RFX2: variants seen among roughly 807,000 people sequenced by gnomAD.
RFX2 encodes the protein DNA-binding protein RFX2.
A neutral mutation model predicts 87.8 loss-of-function variants in RFX2; 20 were observed. That is an observed-to-expected ratio of 0.23 (90% CI 0.16 to 0.33). RFX2 has a LOEUF of 0.33. RFX2 is among the 10% of genes least tolerant of loss of function. The probability of loss-of-function intolerance (pLI) is 1.00; values close to 1 mark genes in which losing one functional copy is unlikely to be tolerated. For missense variants in RFX2, 767 were observed against 1,012.3 expected, an observed-to-expected ratio of 0.76 and a Z score of 3.29; for synonymous variants, 397 against 431.3, an observed-to-expected ratio of 0.92 and a Z score of 0.98.
At chr19:6,006,729 C>T (rs939783830) in intron 12 of RFX2, among the ~76,000 whole-genome samples, 6 of 151,120 alleles carry the variant, frequency 4.0e-5, no homozygotes, top group East Asian at 2.0e-4. Context: ...GGATTACAGA[C>T]GTGAGCAACC....
Position 6,012,772 on chromosome 19 carries a change from A to T in RFX2, c.899+214T>A, listed in dbSNP as rs1434763466. Among the ~76,000 whole-genome samples, 1 of 152,194 alleles carries T rather than the reference A, an allele frequency of 6.6e-6. No individual in the cohort carries two copies. Among genetic ancestry groups the T allele is most frequent in the Non-Finnish European group, 1.5e-5 (1 of 68,024 alleles). ...TTAAAAACAGTTTTAAACGGTTTTA[A>T]AAAAAGTCTGAAAAGTTAGCTGGAG... is the stretch of plus-strand genomic sequence containing the variant. On this transcript the variant is annotated intron_variant, in intron 8 of 17. Coordinates refer to ENST00000303657, the MANE Select transcript of RFX2 (RefSeq NM_000635.4). The surrounding 1 kb of genome is among the most constrained non-coding windows in gnomAD (Gnocchi z 4.6).
intron 1 of RFX2, among the ~76,000 whole-genome samples, chr19:6,059,105 G>A (rs967485486): frequency 9.2e-5 from 14 of 151,796 alleles, no homozygotes; most frequent in African/African-American, 2.7e-4. Context: ...TTAGCCAACC[G>A]AGTAGCTGGA....
At chr19:5,996,003 A>G (rs1599831567) in intron 16 of RFX2, among the ~76,000 whole-genome samples, 1 of 152,064 alleles carries the variant, frequency 6.6e-6, no homozygotes, top group African/African-American at 2.4e-5. Context: ...CAGCAGGAAA[A>G]CCACTCCTTG....
At chr19:6,106,520 C>CTT (rs2088219735) in intron 1 of RFX2, among the ~76,000 whole-genome samples, 2 of 152,168 alleles carry the variant, frequency 1.3e-5, no homozygotes, top group Non-Finnish European at 2.9e-5. Context: ...CATGAAGTTA[C>CTT]TTATGGTCCT....
intron 1 of RFX2, among the ~76,000 whole-genome samples, chr19:6,048,598 G>C (rs2087227984): frequency 6.6e-6 from 1 of 152,068 alleles, no homozygotes; most frequent in African/African-American, 2.4e-5. Flanking sequence ...GGGGTGGTGA[G>C]GACTGAACCT....
At position 6,061,272 on chromosome 19, in the gene RFX2, G is replaced by T. The variant is rs1482874368; in HGVS notation, c.-8-13768C>A. 6.6e-6 allele frequency among the ~76,000 whole-genome samples: 1 copy of T among 152,180 alleles called. No individual in the cohort carries two copies. Among genetic ancestry groups the T allele is most frequent in the Admixed American group, 6.5e-5 (1 of 15,286 alleles). ...CCAGCCAATTTTCTTTCACATTGGG[G>T]TGATTCAAAAGATAACAATGTCTTC... On this transcript the variant is annotated intron_variant, in intron 1 of 17. Transcript: ENST00000303657. This position sits in a 1 kb window ranked among gnomAD's most constrained non-coding sequence, Gnocchi z 5.2.
chr19:6,077,484 G>A (rs1487277025), intron 1 of RFX2, among the ~76,000 whole-genome samples: 2 of 152,190 alleles, frequency 1.3e-5, no homozygotes, highest in East Asian at 1.9e-4. Flanking sequence ...CAAGACTTAC[G>A]AGATGTTCAA....
In RFX2 at chr19:6,026,063, G is replaced by C; in HGVS notation, c.597+100C>G. ...GCCTCCCAAAGTGCTGGGATTACAGGTGTGAGCCACCGCACCTGGTTGCCT... is the reference window on the plus strand; with the variant it reads ...GCCTCCCAAAGTGCTGGGATTACAGCTGTGAGCCACCGCACCTGGTTGCCT... On this transcript the variant is annotated intron_variant, in intron 6 of 17. Coordinates refer to ENST00000303657, the MANE Select transcript of RFX2 (RefSeq NM_000635.4). The surrounding 1 kb of genome is among the most constrained non-coding windows in gnomAD (Gnocchi z 4.5). 1 of 987,150 alleles carries C rather than the reference G, an allele frequency of 1.0e-6. No homozygotes were observed. Among genetic ancestry groups the C allele is most frequent in the Non-Finnish European group, 1.6e-6 (1 of 625,936 alleles). 61.1% of individuals were successfully genotyped at this position (987,150 alleles called of 1,614,324 possible). A position where few individuals can be genotyped will look rare whatever the true frequency, so the allele number is the denominator to read the frequency against.
rs1388756875 is a variant in RFX2 at position 6,001,769 on chromosome 19, A to G, written c.1859+46T>C. 6 of 1,512,918 alleles carry G rather than the reference A, an allele frequency of 4.0e-6. No individual in the cohort carries two copies. The highest frequency in any genetic ancestry group is 4.5e-6 in the Non-Finnish European group (5 of 1,115,530). 93.7% of individuals were successfully genotyped at this position (1,512,918 alleles called of 1,614,324 possible). Reference sequence around the variant, plus strand: ...CCTACCCTCTAGAAGTTTCTCTCAGAGCCCCCCACCCGCCAGAATTCTCTC... The same window carrying G: ...CCTACCCTCTAGAAGTTTCTCTCAGGGCCCCCCACCCGCCAGAATTCTCTC... On this transcript the variant is annotated intron_variant, in intron 15 of 17. Transcript: ENST00000303657. The surrounding 1 kb of genome is among the most constrained non-coding windows in gnomAD (Gnocchi z 5.6).
chr19:6,081,317 G>T (rs1014421638), intron 1 of RFX2, among the ~76,000 whole-genome samples: 1 of 152,226 alleles, frequency 6.6e-6, no homozygotes, highest in African/African-American at 2.4e-5. Context: ...CGAAAAGGAA[G>T]ACCCTGTCTC....
In RFX2 at chr19:6,047,541, C is replaced by G; in HGVS notation, c.-8-37G>C. The G allele has an allele frequency of 6.6e-7, 1 of 1,510,884 alleles. No homozygotes were observed. The highest frequency in any genetic ancestry group is 9.1e-7 in the Non-Finnish European group (1 of 1,103,102). 93.6% of individuals were successfully genotyped at this position (1,510,884 alleles called of 1,614,324 possible). A position where few individuals can be genotyped will look rare whatever the true frequency, so the allele number is the denominator to read the frequency against. On this transcript the variant is annotated intron_variant, in intron 1 of 17. Transcript: ENST00000303657. This position sits in a 1 kb window ranked among gnomAD's most constrained non-coding sequence, Gnocchi z 4.2. The stretch of plus-strand genomic sequence containing the variant: ...CGGAGAGAGATTGGGTGGGCAAGGG[C>G]TGCAAGCACTGAAATCCGAAGAGGC...
At chr19:6,019,544 G>GTGTGTGTGTA (rs386388444) in intron 6 of RFX2, among the ~76,000 whole-genome samples, 53 of 143,172 alleles carry the variant, frequency 3.7e-4, no homozygotes, top group African/African-American at 1.2e-3. Flanking sequence ...GTGTGTGTGT[G>GTGTGTGTGTA]TATATACTTT....
intron 1 of RFX2, among the ~76,000 whole-genome samples, chr19:6,079,518 A>G (rs1222229585): frequency 6.6e-6 from 1 of 152,244 alleles, no homozygotes; most frequent in Non-Finnish European, 1.5e-5. Flanking sequence ...CCAGAGGCTA[A>G]GAATGGGGCC....
At chr19:6,089,616 C>T (rs1042739557) in intron 1 of RFX2, among the ~76,000 whole-genome samples, 17 of 152,208 alleles carry the variant, frequency 1.1e-4, no homozygotes, top group Admixed American at 8.5e-4. Flanking sequence ...CCTTCCATCA[C>T]GTGAGGACAC....
intron 1 of RFX2, among the ~76,000 whole-genome samples, chr19:6,077,320 G>C (rs940757377): frequency 1.3e-5 from 2 of 152,178 alleles, no homozygotes; most frequent in South Asian, 4.1e-4. Context: ...ACAGGCAAGG[G>C]CACCAGGGTT....
chr19:6,064,459 C>T lies in RFX2; in HGVS notation c.-8-16955G>A, dbSNP rs2087482298. Among the ~76,000 whole-genome samples, 1 of 152,254 alleles carries T rather than the reference C, an allele frequency of 6.6e-6. No homozygotes were observed. The highest frequency in any genetic ancestry group is 6.5e-5 in the Admixed American group (1 of 15,294). ...ATGCGGAGGCCTCACCTCACTCACC[C>T]TCTCCTGTCCCAGCTTCAAAATCTT... On this transcript the variant is annotated intron_variant, in intron 1 of 17. Coordinates refer to ENST00000303657, the MANE Select transcript of RFX2 (RefSeq NM_000635.4). This position sits in a 1 kb window ranked among gnomAD's most constrained non-coding sequence, Gnocchi z 4.8.
At chr19:6,059,868 C>T (rs1234664138) in intron 1 of RFX2, among the ~76,000 whole-genome samples, 1 of 152,174 alleles carries the variant, frequency 6.6e-6, no homozygotes, top group Admixed American at 6.5e-5. Flanking sequence ...ACTCAGAAGA[C>T]ACGTCATTTT....
At chr19:6,052,517 GA>G (rs1233905073) in intron 1 of RFX2, among the ~76,000 whole-genome samples, 1 of 152,140 alleles carries the variant, frequency 6.6e-6, no homozygotes, top group Non-Finnish European at 1.5e-5. Flanking sequence ...TAAGGATACA[GA>G]ATATCTGAAT....
chr19:6,014,859 G>A lies in RFX2; in HGVS notation c.779+1231C>T, dbSNP rs138241730. Among the ~76,000 whole-genome samples the A allele has an allele frequency of 4.6e-5, 7 of 152,292 alleles. No individual in the cohort carries two copies. The East Asian group carries it at 7.7e-4, about 17-fold the overall frequency. On this transcript the variant is annotated intron_variant, in intron 7 of 17. Transcript: ENST00000303657. ...GTCCTCGTGGATCCACCGCCACGCCGTTTATAGACAGCCAGGACACCGGCT... is the reference window on the plus strand; with the variant it reads ...GTCCTCGTGGATCCACCGCCACGCCATTTATAGACAGCCAGGACACCGGCT...
Sources: allele counts gnomAD v4.1 joint callset (sites outside exome capture counted in the v4.1 genomes callset), GRCh38; gene constraint gnomAD v4.1.1; non-coding constraint Gnocchi (gnomAD v3.1); transcripts MANE v1.5; gene names NCBI Gene and HGNC (gene_info 2026-07-23, HGNC 2026-07-21).